CFD: variants seen among roughly 807,000 people sequenced by gnomAD.
The protein encoded by CFD is complement factor D.
Under a neutral mutation model 21.1 loss-of-function variants are expected in CFD, and 24 were observed. The observed-to-expected ratio is 1.14, with a 90% CI of 0.82 to 1.60. The LOEUF (loss-of-function observed/expected upper bound fraction) is 1.60, where lower values mean the gene tolerates loss of function less well. Ranked by LOEUF, CFD falls within the 40% of genes most tolerant of loss-of-function variation. The pLI is 0.00. For missense variants in CFD, 535 were observed against 383.3 expected (o/e 1.40, Z -3.31); for synonymous variants, 242 against 175.9 (o/e 1.38, Z -2.97).
chr19:860,813 G>A, intron 2 of CFD, 40 bp downstream of exon 2: 1 of 1,556,166 alleles, frequency 6.4e-7, no homozygotes, highest in South Asian at 1.2e-5. Context: ...CCCGGGTGCG[G>A]TGGGGGGAGT....
Position 863,388 on chromosome 19 carries a change from C to T in CFD, c.*150C>T, listed in dbSNP as rs1135146. ...GGAGGATCATTGGATCTCAGGAGTT[C>T]GAGATCAGCATGGGCCACGTAGCGC... On this transcript the variant is annotated 3_prime_UTR_variant, in exon 5 of 5. Coordinates refer to ENST00000327726, the MANE Select transcript of CFD (RefSeq NM_001928.4). 2.1e-6 allele frequency: 2 copies of T among 938,018 alleles called. No homozygotes were observed. Among genetic ancestry groups the T allele is most frequent in the Non-Finnish European group, 3.3e-6 (2 of 608,142 alleles). The allele number at this position is 938,018 out of a possible 1,614,324, so 58.1% of individuals were successfully genotyped here.
intron 3 of CFD, among the ~76,000 whole-genome samples, 190 bp from the exon 4 acceptor site, chr19:861,509 T>A (rs1330721650): frequency 1.6e-5 from 2 of 124,996 alleles, no homozygotes; most frequent in Non-Finnish European, 3.3e-5. Flanking sequence ...GCTGCACTGG[T>A]GAGCCTCGCA....
At chr19:861,662 C>T (rs910332317) in intron 3 of CFD, 37 bp from the exon 4 acceptor site, 13 of 1,572,470 alleles carry the variant, frequency 8.3e-6, no homozygotes, top group Admixed American at 3.6e-5. Context: ...GCCTCGCACC[C>T]CCGCACCCCA....
At position 859,757 on chromosome 19, in the gene CFD, G is replaced by T; in HGVS notation, c.55+13G>T. The T allele has an allele frequency of 6.4e-7, 1 of 1,561,546 alleles. No homozygotes were observed. The highest frequency in any genetic ancestry group is 8.7e-7 in the Non-Finnish European group (1 of 1,151,758). ...GCGGCCGCCTGCGGTGAGGAGGCCT[G>T]GGCCTGGGGTGAGGGACAGGGCTGT... On this transcript the variant is annotated intron_variant, in intron 1 of 4. Transcript: ENST00000327726.
At chr19:862,334 A>G in intron 4 of CFD, among the ~76,000 whole-genome samples, 1 of 93,678 alleles carries the variant, frequency 1.1e-5, no homozygotes, top group Non-Finnish European at 2.1e-5. Flanking sequence ...TAATAGCGGG[A>G]CTGCAAGGGG....
chr19:859,790 C>T (rs1320267854), intron 1 of CFD, 46 bp downstream of exon 1: 16 of 1,437,394 alleles, frequency 1.1e-5, no homozygotes, highest in Admixed American at 9.8e-5. Context: ...TGTGTAGGGG[C>T]GTGGTGCTCC....
rs1386550037 is a variant in CFD, at chr19:860,941, T to A, written c.293T>A (p.Leu98His). The A allele has an allele frequency of 6.2e-7, 1 of 1,601,156 alleles. No homozygotes were observed. The highest frequency in any genetic ancestry group is 8.5e-7 in the Non-Finnish European group (1 of 1,179,336). ...CCCTCCAAGCGCCTGTACGACGTGC[T>A]CCGCGCAGTGCCCCACCCGGACAGC... is the stretch of plus-strand genomic sequence containing the variant. ...PEPSKRLYDV[L>H]RAVPHPDSQP... The change falls in exon 3 of 5, where the codon CTC becomes CAC. Residue 98 changes from leucine (L) to histidine (H), a missense_variant. Coordinates refer to ENST00000327726, the MANE Select transcript of CFD (RefSeq NM_001928.4).
At chr19:862,047 A>G (rs2035805342) in intron 4 of CFD, 91 bp downstream of exon 4, 26 of 1,136,022 alleles carry the variant, frequency 2.3e-5, no homozygotes, top group Non-Finnish European at 2.6e-5. Context: ...AAGTAGGAAC[A>G]GGGCCCAGGG....
intron 4 of CFD, among the ~76,000 whole-genome samples, chr19:862,636 C>G (rs1314748471): frequency 6.7e-6 from 1 of 150,362 alleles, no homozygotes; most frequent in Non-Finnish European, 1.5e-5. Flanking sequence ...TAAGACCAGC[C>G]GAGGCTTGCA....
In CFD at chr19:859,702, G is replaced by A; in HGVS notation, c.13G>A (p.Glu5Lys). Residue 5 changes from glutamate to lysine, a missense_variant, in exon 1 of 5, where the codon GAG becomes AAG. Coordinates refer to ENST00000327726, the MANE Select transcript of CFD (RefSeq NM_001928.4). MHSW[E>K]RLAVLVLLGA... ...CAGCGGCTTCACCATGCACAGCTGG[G>A]AGCGCCTGGCAGTTCTGGTCCTCCT... 6.4e-7 allele frequency: 1 copy of A among 1,572,404 alleles called. No homozygotes were observed. The highest frequency in any genetic ancestry group is 8.6e-7 in the Non-Finnish European group (1 of 1,159,282).
In CFD at chr19:863,220, C is replaced by G. The variant is rs2230216; in HGVS notation, c.744C>G (p.Ile248Met). ...YTRVASYAAW[I>M]DSVLA The stretch of plus-strand genomic sequence containing the variant: ...GCGTGGCGAGCTATGCGGCCTGGAT[C>G]GACAGCGTCCTGGCCTAGGGTGCCG... The change falls in exon 5 of 5, where the codon ATC becomes ATG. Residue 248 changes from isoleucine to methionine, a missense_variant. Transcript: ENST00000327726. 5.8e-3 allele frequency: 8,978 copies of G among 1,545,050 alleles called. 416 individuals are homozygous for G. In the East Asian group the frequency reaches 0.12, roughly 20 times the overall value.
Position 861,970 on chromosome 19 carries a change from C to G in CFD, c.615+14C>G. ...GACAGCTGCAAGGTGAGCCTTCAGGCCTGGGAGGAGACGCGGGGCCTGCAG... is the reference window on the plus strand; with the variant it reads ...GACAGCTGCAAGGTGAGCCTTCAGGGCTGGGAGGAGACGCGGGGCCTGCAG... On this transcript the variant is annotated intron_variant, in intron 4 of 4. Coordinates refer to ENST00000327726, the MANE Select transcript of CFD (RefSeq NM_001928.4). The G allele has an allele frequency of 6.5e-7, 1 of 1,537,670 alleles. No individual in the cohort carries two copies. The highest frequency in any genetic ancestry group is 8.7e-7 in the Non-Finnish European group (1 of 1,148,408).
chr19:862,017 G>C, intron 4 of CFD, 61 bp downstream of exon 4: 2 of 1,503,074 alleles, frequency 1.3e-6, no homozygotes, highest in Non-Finnish European at 1.8e-6. Flanking sequence ...GGCCTGCAGA[G>C]GGAGCGCGAA....
chr19:863,143 A>T lies in CFD; in HGVS notation c.667A>T (p.Thr223Ser). The stretch of plus-strand genomic sequence containing the variant: ...CGGGGGCGTGCTCGAGGGCGTGGTC[A>T]CCTCGGGCTCGCGCGTTTGCGGCAA... ...VCGGVLEGVVTSGSRVCGNRK... is the reference protein window; with the variant it reads ...VCGGVLEGVVSSGSRVCGNRK... The change falls in exon 5 of 5, where the codon ACC becomes TCC. Residue 223 changes from threonine to serine, a missense_variant. Physicochemically the swap from Thr to Ser is moderately conservative, Grantham distance 58. Transcript: ENST00000327726. The T allele has an allele frequency of 6.5e-7, 1 of 1,534,244 alleles. No homozygotes were observed. The highest frequency in any genetic ancestry group is 8.7e-7 in the Non-Finnish European group (1 of 1,145,006).
At chr19:863,063 C>T (rs1343740320) in intron 4 of CFD, 29 bp from the exon 5 acceptor site, 5 of 1,491,944 alleles carry the variant, frequency 3.4e-6, no homozygotes, top group Admixed American at 4.2e-5. Context: ...GCGCGGGCCG[C>T]CCCTCACGGC....
In CFD at chr19:862,105, T is replaced by G. The variant is rs1369841635; in HGVS notation, c.615+149T>G. The G allele has an allele frequency of 3.7e-5, 30 of 811,268 alleles. 1 individual carries two copies. The highest frequency in any genetic ancestry group is 3.1e-4 in the East Asian group (4 of 12,804). The allele number at this position is 811,268 out of a possible 1,614,324, so 50.3% of individuals were successfully genotyped here. A position where few individuals can be genotyped will look rare whatever the true frequency, so the allele number is the denominator to read the frequency against. On this transcript the variant is annotated intron_variant, in intron 4 of 4. Transcript: ENST00000327726. The stretch of plus-strand genomic sequence containing the variant: ...CGGGAACTGGAAGATGGGCGGAGCA[T>G]GAGGGTGGCCCGTGGGCGGGGCCTG...
At position 863,284 on chromosome 19, in the gene CFD, G is replaced by A. The variant is rs370047005; in HGVS notation, c.*46G>A. ...AGGGTCACCCAAGCAACAAAGTCCC[G>A]AGCAATGAAGTCATCCACTCCTGCA... On this transcript the variant is annotated 3_prime_UTR_variant, in exon 5 of 5. Transcript: ENST00000327726. The A allele has an allele frequency of 4.3e-5, 66 of 1,541,194 alleles. No individual in the cohort carries two copies. Among genetic ancestry groups the A allele is most frequent in the Non-Finnish European group, 5.0e-5 (58 of 1,149,188 alleles).
In CFD at chr19:861,689, C is replaced by G. The variant is rs1172089882; in HGVS notation, c.358-10C>G. ...CGCACCCCAACCCTGACGTCCGCCT[C>G]CACCCTCAGCTGTCGGAGAAGGCCA... is the stretch of plus-strand genomic sequence containing the variant. On this transcript the variant is annotated splice_polypyrimidine_tract_variant and intron_variant, in intron 3 of 4. Transcript: ENST00000327726. 6.3e-7 allele frequency: 1 copy of G among 1,596,236 alleles called. No homozygotes were observed. Among genetic ancestry groups the G allele is most frequent in the Non-Finnish European group, 8.5e-7 (1 of 1,174,356 alleles).
chr19:859,917 G>A (rs1291015405), intron 1 of CFD, among the ~76,000 whole-genome samples, 173 bp downstream of exon 1: 1 of 152,180 alleles, frequency 6.6e-6, no homozygotes, highest in Non-Finnish European at 1.5e-5. Flanking sequence ...ATTGGAAATC[G>A]GAACTTTCTG....
Sources: allele counts gnomAD v4.1 joint callset (sites outside exome capture counted in the v4.1 genomes callset), GRCh38; gene constraint gnomAD v4.1.1; transcripts MANE v1.5; gene names NCBI Gene and HGNC (gene_info 2026-07-23, HGNC 2026-07-21).